LGR5: variants seen among roughly 807,000 people sequenced by gnomAD.
LGR5 encodes leucine-rich repeat-containing G protein-coupled receptor 5.
LGR5 carries 54 observed loss-of-function variants against 76.7 expected under a neutral mutation model. The ratio of observed to expected loss-of-function variants is 0.70; its 90% confidence interval spans 0.57 to 0.88. The LOEUF is 0.88. Among genes scored for constraint, LGR5 ranks in the 40% least tolerant of loss-of-function variants. The pLI, the probability that LGR5 is intolerant of heterozygous loss-of-function variation, is 0.00. For synonymous variants in LGR5, 406 were observed against 421.9 expected (o/e 0.96, Z 0.46); for missense variants, 1,078 against 1,073.3 (o/e 1.00, Z -0.06).
intron 2 of LGR5, among the ~76,000 whole-genome samples, chr12:71,512,523 T>C (rs1186791426): frequency 1.3e-5 from 2 of 152,204 alleles, no homozygotes; most frequent in African/African-American, 4.8e-5. Context: ...TCCGATTTAA[T>C]GGGTCTCACT....
In LGR5 at chr12:71,556,651, GAAAGA is replaced by G. The variant is rs1037477828; in HGVS notation, c.680_684del (p.Lys227MetfsTer3). The stretch of plus-strand genomic sequence containing the variant: ...CATAACAATAGAATCCACTCCCTGG[GAAAGA>G]AATGCTTTGATGGGCTCCACAGCCT... On this transcript the variant is annotated frameshift_variant, in exon 6 of 18. Coordinates refer to ENST00000266674, the MANE Select transcript of LGR5 (RefSeq NM_003667.4). LOFTEE classifies it high-confidence loss of function. 55 of 1,612,822 alleles carry G rather than the reference GAAAGA, an allele frequency of 3.4e-5. No homozygotes were observed. Among genetic ancestry groups the G allele is most frequent in the Non-Finnish European group, 4.5e-5 (53 of 1,178,960 alleles).
chr12:71,528,184 G>A (rs546472952), intron 3 of LGR5, among the ~76,000 whole-genome samples: 4 of 152,228 alleles, frequency 2.6e-5, no homozygotes, highest in East Asian at 1.9e-4. Context: ...AGCTGGGCAC[G>A]GTGGCTCATG....
At chr12:71,531,341 T>G (rs544951746) in intron 3 of LGR5, among the ~76,000 whole-genome samples, 3 of 152,344 alleles carry the variant, frequency 2.0e-5, no homozygotes, top group African/African-American at 7.2e-5. Flanking sequence ...CCCATTGGAA[T>G]ATCTTAAACA....
intron 1 of LGR5, among the ~76,000 whole-genome samples, chr12:71,486,083 G>A (rs1309447374): frequency 2.0e-5 from 3 of 152,132 alleles, no homozygotes; most frequent in African/African-American, 7.2e-5. Context: ...TGCTTTTTAA[G>A]ATCTAGCTGG....
chr12:71,583,588 T>G, intron 17 of LGR5, 59 bp from the exon 18 acceptor site: 1 of 1,535,806 alleles, frequency 6.5e-7, no homozygotes. Flanking sequence ...AAAGGGTAAT[T>G]CAGCAAAAGT....
chr12:71,572,795 G>A, intron 12 of LGR5, 55 bp from the exon 13 acceptor site: 1 of 1,348,608 alleles, frequency 7.4e-7, no homozygotes, highest in South Asian at 1.2e-5. Context: ...TCTGAAGTCT[G>A]TAGTCTTTGA....
chr12:71,565,820 T>C (rs137869578), intron 8 of LGR5, among the ~76,000 whole-genome samples: 208 of 152,086 alleles, frequency 1.4e-3, no homozygotes, highest in African/African-American at 4.5e-3. Context: ...TACCACTACA[T>C]TGAAAACATC....
At chr12:71,516,639 C>A (rs187961248) in intron 2 of LGR5, among the ~76,000 whole-genome samples, 352 of 152,170 alleles carry the variant, frequency 2.3e-3, no homozygotes, top group African/African-American at 8.0e-3. Flanking sequence ...AAAATAAAAT[C>A]TTTTATATTA....
At chr12:71,560,732 G>A (rs1017489136) in intron 7 of LGR5, among the ~76,000 whole-genome samples, 1 of 152,196 alleles carries the variant, frequency 6.6e-6, no homozygotes, top group African/African-American at 2.4e-5. Flanking sequence ...GGCGGTGATT[G>A]CAGTGAGCCG....
chr12:71,501,185 T>C (rs111894623), intron 1 of LGR5, among the ~76,000 whole-genome samples: 1,860 of 152,316 alleles, frequency 0.012, 16 homozygotes, highest in Middle Eastern at 0.037. Context: ...GTTATGTGTG[T>C]ACCAGGTGTC....
chr12:71,580,257 T>A, intron 15 of LGR5, 21 bp from the exon 16 acceptor site: 2 of 1,578,450 alleles, frequency 1.3e-6, no homozygotes, highest in Non-Finnish European at 1.7e-6. Context: ...TGTTTTTTGT[T>A]TGGGTTTTGT....
intron 3 of LGR5, among the ~76,000 whole-genome samples, chr12:71,529,847 T>A (rs1203340100): frequency 1.3e-5 from 2 of 151,918 alleles, no homozygotes; most frequent in Non-Finnish European, 2.9e-5. Flanking sequence ...TCCCAGCTAC[T>A]TGGGAGGCTG....
rs1482237051 is a variant in LGR5 at position 71,440,071 on chromosome 12, T to G, written c.-10T>G. The G allele has an allele frequency of 1.3e-6, 2 of 1,599,884 alleles. No individual in the cohort carries two copies. The highest frequency in any genetic ancestry group is 1.7e-6 in the Non-Finnish European group (2 of 1,179,524). On this transcript the variant is annotated 5_prime_UTR_variant, in exon 1 of 18. Transcript: ENST00000266674. The surrounding 1 kb of genome is among the most constrained non-coding windows in gnomAD (Gnocchi z 5.3). ...CCGCGTCCGGCTCGTGGCCCCCTAC[T>G]TCGGGCACCATGGACACCTCCCGGC...
chr12:71,538,439 T>G (rs1433871312), intron 4 of LGR5, among the ~76,000 whole-genome samples: 1 of 151,402 alleles, frequency 6.6e-6, no homozygotes, highest in Non-Finnish European at 1.5e-5. Flanking sequence ...TCACTTGAAC[T>G]CAAGAAGAAT....
intron 8 of LGR5, among the ~76,000 whole-genome samples, chr12:71,564,077 C>T (rs1878207975): frequency 3.1e-3 from 6 of 1,946 alleles, no homozygotes; most frequent in East Asian, 0.12. Flanking sequence ...TGCATATATA[C>T]GTATCTGTAC....
chr12:71,571,372 C>A, intron 11 of LGR5, 142 bp from the exon 12 acceptor site: 1 of 540,542 alleles, frequency 1.9e-6, no homozygotes, highest in Admixed American at 3.5e-5. Context: ...GCTGTGACTA[C>A]CTGCTCCATG....
intron 1 of LGR5, among the ~76,000 whole-genome samples, chr12:71,464,011 G>C (rs1872770701): frequency 6.6e-6 from 1 of 152,018 alleles, no homozygotes; most frequent in East Asian, 1.9e-4. Context: ...CTAATTTTTG[G>C]CCAAAGGAAT....
chr12:71,464,119 C>T (rs746446049), intron 1 of LGR5, among the ~76,000 whole-genome samples: 1 of 152,158 alleles, frequency 6.6e-6, no homozygotes, highest in Non-Finnish European at 1.5e-5. Context: ...CTTCACAATA[C>T]TTGCAAATGT....
At chr12:71,543,331 T>A (rs1876979653) in intron 4 of LGR5, among the ~76,000 whole-genome samples, 1 of 152,210 alleles carries the variant, frequency 6.6e-6, no homozygotes, top group Non-Finnish European at 1.5e-5. Context: ...AGTTGATCTA[T>A]CTGCCAGAAT....
Sources: allele counts gnomAD v4.1 joint callset (sites outside exome capture counted in the v4.1 genomes callset), GRCh38; gene constraint gnomAD v4.1.1; non-coding constraint Gnocchi (gnomAD v3.1); transcripts MANE v1.5; gene names NCBI Gene and HGNC (gene_info 2026-07-23, HGNC 2026-07-21).